RAPGEF2: variants seen among roughly 807,000 people sequenced by gnomAD.
The protein encoded by RAPGEF2 is PDZ domain containing guanine nucleotide exchange factor (GEF) 1.
Under a neutral mutation model 186.7 loss-of-function variants are expected in RAPGEF2, and 54 were observed. The ratio of observed to expected loss-of-function variants is 0.29; its 90% CI spans 0.23 to 0.36. RAPGEF2 has a LOEUF of 0.36. Among genes scored for constraint, RAPGEF2 ranks in the 10% least tolerant of loss-of-function variants. RAPGEF2 has a pLI of 1.00. For missense variants in RAPGEF2, 1,532 were observed against 2,045.0 expected, an observed-to-expected ratio of 0.75 and a Z score of 4.84; for synonymous variants, 712 against 705.9, an observed-to-expected ratio of 1.01 and a Z score of -0.14.
intron 7 of RAPGEF2, among the ~76,000 whole-genome samples, chr4:159,254,307 C>T (rs1755864982): frequency 1.3e-5 from 2 of 152,088 alleles, no homozygotes. Flanking sequence ...TTTGCTTTTG[C>T]ACTTGAGCGC....
At chr4:159,258,409 A>G (rs977204896) in intron 7 of RAPGEF2, among the ~76,000 whole-genome samples, 5 of 152,234 alleles carry the variant, frequency 3.3e-5, no homozygotes, top group Middle Eastern at 3.4e-3. Context: ...ATGGTCTTCT[A>G]TATTTATTTA....
intron 1 of RAPGEF2, among the ~76,000 whole-genome samples, chr4:159,165,337 C>T (rs1745191696): frequency 6.6e-6 from 1 of 152,046 alleles, no homozygotes; most frequent in African/African-American, 2.4e-5. Context: ...CTATTTTTTC[C>T]TACCTGGTTC....
chr4:159,254,820 C>G (rs934962372), intron 7 of RAPGEF2, among the ~76,000 whole-genome samples: 1 of 152,006 alleles, frequency 6.6e-6, no homozygotes, highest in African/African-American at 2.4e-5. Context: ...AGGCTGGTCT[C>G]GAACTCTTAA....
intron 1 of RAPGEF2, among the ~76,000 whole-genome samples, chr4:159,107,117 T>G (rs1323947060): frequency 2.6e-5 from 4 of 152,196 alleles, no homozygotes; most frequent in Non-Finnish European, 5.9e-5. Context: ...TCTGGAAACC[T>G]GGCTGAGTTC....
At chr4:159,269,049 G>A (rs1361611677) in intron 7 of RAPGEF2, among the ~76,000 whole-genome samples, 1 of 152,140 alleles carries the variant, frequency 6.6e-6, no homozygotes, top group African/African-American at 2.4e-5. Flanking sequence ...CTAGCATCTA[G>A]CAGGTTATTA....
At chr4:159,304,301 G>C (rs1277106129) in intron 7 of RAPGEF2, 41 bp from the exon 8 acceptor site, 1 of 1,528,138 alleles carries the variant, frequency 6.5e-7, no homozygotes, top group Non-Finnish European at 8.9e-7. Flanking sequence ...TGGAGTTCTT[G>C]ATTCAGATTG....
At chr4:159,341,968 T>A in intron 20 of RAPGEF2, 21 bp downstream of exon 20, 1 of 1,552,934 alleles carries the variant, frequency 6.4e-7, no homozygotes, top group African/African-American at 1.4e-5. Flanking sequence ...ACATTTTTTC[T>A]TAAGATTCAG....
chr4:159,144,284 T>C (rs1185213492), intron 1 of RAPGEF2, among the ~76,000 whole-genome samples: 1 of 152,252 alleles, frequency 6.6e-6, no homozygotes, highest in African/African-American at 2.4e-5. Context: ...TCTCTTCATA[T>C]TGACATTAAT....
intron 7 of RAPGEF2, among the ~76,000 whole-genome samples, chr4:159,269,065 T>C (rs1434132921): frequency 6.6e-6 from 1 of 152,206 alleles, no homozygotes; most frequent in African/African-American, 2.4e-5. Flanking sequence ...TATTAAAGTA[T>C]AGGAATTGTC....
chr4:159,353,258 A>G lies in RAPGEF2; in HGVS notation c.4092-229A>G, dbSNP rs1731459396. Among the ~76,000 whole-genome samples, 1 of 150,558 alleles carries G rather than the reference A, an allele frequency of 6.6e-6. No individual in the cohort carries two copies. Among genetic ancestry groups the G allele is most frequent in the South Asian group, 2.1e-4 (1 of 4,768 alleles). ...TTGTCGGGGAATTTTTTTTTTTTTA[A>G]TGGCACGTTGCGTTCTTTTCCCGCA... On this transcript the variant is annotated intron_variant, in intron 27 of 29. Transcript: ENST00000691494. The surrounding 1 kb of genome is among the most constrained non-coding windows in gnomAD (Gnocchi z 4.3).
intron 1 of RAPGEF2, among the ~76,000 whole-genome samples, chr4:159,178,378 G>T (rs1267015092): frequency 6.6e-6 from 1 of 152,010 alleles, no homozygotes; most frequent in African/African-American, 2.4e-5. Context: ...ACTGTACATT[G>T]TTAGTGAGAT....
At chr4:159,128,622 G>A (rs1740642918) in intron 1 of RAPGEF2, among the ~76,000 whole-genome samples, 1 of 151,602 alleles carries the variant, frequency 6.6e-6, no homozygotes. Flanking sequence ...TGGTTATGCA[G>A]GTTAATACTT....
At chr4:159,104,684 C>T (rs1380779725) in intron 1 of RAPGEF2, among the ~76,000 whole-genome samples, 1 of 152,152 alleles carries the variant, frequency 6.6e-6, no homozygotes, top group Non-Finnish European at 1.5e-5. Flanking sequence ...CTCTTGCTCC[C>T]TCTGACTCCA....
chr4:159,344,727 C>T lies in RAPGEF2; in HGVS notation c.3279-379C>T, dbSNP rs535684716. Among the ~76,000 whole-genome samples the T allele has an allele frequency of 3.8e-3, 574 of 152,158 alleles. 4 individuals are homozygous for T. The highest frequency in any genetic ancestry group is 0.013 in the African/African-American group (542 of 41,514). On this transcript the variant is annotated intron_variant, in intron 23 of 29. Coordinates refer to ENST00000691494, the MANE Select transcript of RAPGEF2 (RefSeq NM_001394067.2). ...TTTTATTTAAATTTATGTATAATAT[C>T]CTCTTTAGGAGAAGTAATTTTAATG...
rs1413242056 is a variant in RAPGEF2 at position 159,103,169 on chromosome 4, G to A, written c.-994G>A. On this transcript the variant is annotated 5_prime_UTR_variant, in exon 1 of 30. Coordinates refer to ENST00000691494, the MANE Select transcript of RAPGEF2 (RefSeq NM_001394067.2). ...TCGCCGCTTCCCAAACACTCTCTCC[G>A]AGGGGGCTGTGCGCGGCTCTCGGCT... 6 of 151,910 alleles carry A rather than the reference G, an allele frequency of 3.9e-5. No individual in the cohort carries two copies. The highest frequency in any genetic ancestry group is 7.4e-5 in the Non-Finnish European group (5 of 68,012). The allele number at this position is 151,910 out of a possible 1,614,324, so 9.4% of individuals were successfully genotyped here.
intron 1 of RAPGEF2, among the ~76,000 whole-genome samples, chr4:159,133,177 C>CTG (rs1288641148): frequency 1.3e-5 from 2 of 151,968 alleles, no homozygotes; most frequent in Non-Finnish European, 2.9e-5. Context: ...TGAAGAGCTC[C>CTG]TGTGTGTGTG....
intron 9 of RAPGEF2, among the ~76,000 whole-genome samples, chr4:159,315,762 T>C (rs1213918055): frequency 6.6e-6 from 1 of 152,208 alleles, no homozygotes; most frequent in Non-Finnish European, 1.5e-5. Flanking sequence ...AATGCCATTA[T>C]TTCTGCATAT....
chr4:159,176,377 A>G (rs1376249099), intron 1 of RAPGEF2, among the ~76,000 whole-genome samples: 1 of 152,152 alleles, frequency 6.6e-6, no homozygotes, highest in African/African-American at 2.4e-5. Context: ...GGGTAAAGTT[A>G]TTAGTCCCTC....
At chr4:159,246,634 T>C (rs1669183813) in intron 7 of RAPGEF2, among the ~76,000 whole-genome samples, 1 of 152,174 alleles carries the variant, frequency 6.6e-6, no homozygotes, top group Non-Finnish European at 1.5e-5. Context: ...ATTGAAACAA[T>C]GAAAACATTA....
Sources: gnomAD v4.1 joint callset for allele counts (sites outside exome capture counted in the v4.1 genomes callset) on GRCh38, gnomAD v4.1.1 for gene constraint, Gnocchi (gnomAD v3.1) non-coding constraint, MANE v1.5 for transcripts, NCBI Gene and HGNC (gene_info 2026-07-23, HGNC 2026-07-21) for gene names.